C2orf76: variants seen among roughly 807,000 people sequenced by gnomAD.
C2orf76 encodes the protein UPF0538 protein C2orf76.
Under a neutral mutation model 16.9 loss-of-function variants are expected in C2orf76, and 23 were observed. The observed-to-expected ratio is 1.36, with a 90% CI of 0.98 to 1.93. The LOEUF (loss-of-function observed/expected upper bound fraction) is 1.93, where lower values mean the gene tolerates loss of function less well. C2orf76 is among the 30% of genes most tolerant of loss of function. The pLI is 0.00. For synonymous variants in C2orf76, 48 were observed against 52.3 expected (o/e 0.92, Z 0.35); for missense variants, 152 against 152.6 (o/e 1.00, Z 0.02).
At chr2:119,305,933 A>C (rs560447955) in intron 5 of C2orf76, among the ~76,000 whole-genome samples, 103 of 103,564 alleles carry the variant, frequency 9.9e-4, no homozygotes, top group Middle Eastern at 9.8e-3. Context: ...CCAAAAAAAA[A>C]AACAACAACA....
At chr2:119,302,097 AG>A (rs925548511), downstream of C2orf76, 2 of 154,348 alleles carry the variant, frequency 1.3e-5, no homozygotes, top group African/African-American at 4.8e-5. Context: ...TAGAAACTAC[AG>A]AAAAAATATA....
the C2orf76 span, among the ~76,000 whole-genome samples, chr2:119,294,956 C>A: frequency 6.6e-6 from 1 of 152,100 alleles, no homozygotes; most frequent in East Asian, 1.9e-4. Flanking sequence ...GAGAAGACAG[C>A]AGGATCAGTG....
intron 1 of C2orf76, among the ~76,000 whole-genome samples, chr2:119,354,416 T>C (rs1039189762): frequency 6.6e-6 from 1 of 152,132 alleles, no homozygotes; most frequent in Non-Finnish European, 1.5e-5. Context: ...GCCCAGCTAC[T>C]GGGAGGTTGA....
At chr2:119,310,513 G>T (rs1300836498) in intron 5 of C2orf76, among the ~76,000 whole-genome samples, 4 of 152,038 alleles carry the variant, frequency 2.6e-5, no homozygotes, top group Non-Finnish European at 5.9e-5. Flanking sequence ...GTAAATTCCT[G>T]ATACAAGTGA....
intron 2 of C2orf76, among the ~76,000 whole-genome samples, chr2:119,339,603 G>C (rs1387477837): frequency 6.7e-6 from 1 of 150,052 alleles, no homozygotes; most frequent in Non-Finnish European, 1.5e-5. Context: ...AGCCAAAAAT[G>C]ACGGTCACAA....
downstream of C2orf76, among the ~76,000 whole-genome samples, chr2:119,298,164 C>T (rs1288318778): frequency 6.6e-6 from 1 of 152,126 alleles, no homozygotes; most frequent in Non-Finnish European, 1.5e-5. Context: ...ATGGCATACG[C>T]CTTTTGTGTT....
chr2:119,350,081 C>CCG (rs1553449835), intron 1 of C2orf76, among the ~76,000 whole-genome samples: 1 of 131,086 alleles, frequency 7.6e-6, no homozygotes, highest in African/African-American at 2.9e-5. Context: ...CCCCCGCCCC[C>CCG]CCACCGTCCC....
At chr2:119,312,683 T>G (rs919323036) in intron 4 of C2orf76, among the ~76,000 whole-genome samples, 1 of 152,108 alleles carries the variant, frequency 6.6e-6, no homozygotes, top group Non-Finnish European at 1.5e-5. Context: ...GAGAGTGCTC[T>G]CCAGTGATAT....
the C2orf76 span, among the ~76,000 whole-genome samples, chr2:119,294,843 C>T: frequency 1.7e-4 from 26 of 152,114 alleles, no homozygotes; most frequent in Non-Finnish European, 2.8e-4. Context: ...GAAGGCGGAG[C>T]GCGGCAGGGT....
chr2:119,296,724 C>T, the C2orf76 span, among the ~76,000 whole-genome samples: 1 of 152,224 alleles, frequency 6.6e-6, no homozygotes, highest in Non-Finnish European at 1.5e-5. Context: ...CAAAGAAGTT[C>T]CTCAAAGTCA....
chr2:119,290,219 T>C, the C2orf76 span, among the ~76,000 whole-genome samples: 15 of 151,398 alleles, frequency 9.9e-5, no homozygotes, highest in African/African-American at 3.6e-4. Context: ...CTCCCTGCAA[T>C]TGGTTTGAGA....
downstream of C2orf76, among the ~76,000 whole-genome samples, chr2:119,297,499 C>A (rs1678558399): frequency 6.6e-6 from 1 of 152,158 alleles, no homozygotes; most frequent in Admixed American, 6.5e-5. Flanking sequence ...TTTTTTTAAT[C>A]TTCAGAATTT....
downstream of C2orf76, among the ~76,000 whole-genome samples, chr2:119,301,528 A>T (rs539168353): frequency 1.1e-4 from 16 of 152,136 alleles, no homozygotes; most frequent in East Asian, 3.1e-3. Context: ...GAGCTGGCTA[A>T]GCTCTCCGGC....
intron 1 of C2orf76, among the ~76,000 whole-genome samples, chr2:119,358,596 A>G (rs1470973301): frequency 6.6e-6 from 1 of 151,456 alleles, no homozygotes; most frequent in Non-Finnish European, 1.5e-5. Context: ...AAAAAAAAAA[A>G]AGGCAAAACA....
At chr2:119,303,820 T>A (rs550577703) in intron 5 of C2orf76, among the ~76,000 whole-genome samples, 3 of 152,298 alleles carry the variant, frequency 2.0e-5, no homozygotes, top group Admixed American at 2.0e-4. Context: ...CTCTACTATA[T>A]CTTCAAGATT....
intron 2 of C2orf76, among the ~76,000 whole-genome samples, chr2:119,335,319 C>A (rs1024375787): frequency 6.6e-6 from 1 of 152,090 alleles, no homozygotes; most frequent in Non-Finnish European, 1.5e-5. Flanking sequence ...GTACCTAGAT[C>A]CTGGTTTCTA....
intron 4 of C2orf76, among the ~76,000 whole-genome samples, chr2:119,312,314 T>A (rs539980831): frequency 6.6e-6 from 1 of 152,236 alleles, no homozygotes; most frequent in South Asian, 2.1e-4. Flanking sequence ...GTGGCGTGAT[T>A]ATGGCTCACT....
In C2orf76 at chr2:119,302,551, G is replaced by A. The variant is rs1558773011; in HGVS notation, c.305-3C>T. 4 of 1,473,796 alleles carry A rather than the reference G, an allele frequency of 2.7e-6. No homozygotes were observed. The highest frequency in any genetic ancestry group is 1.4e-5 in the South Asian group (1 of 72,108). The allele number at this position is 1,473,796 out of a possible 1,614,324, so 91.3% of individuals were successfully genotyped here. ...GAATGCAATTTCAGTTTCACTGGCT[G>A]AAAAAAAACAGAAAATGGAAAAAAA... On this transcript the variant is annotated splice_polypyrimidine_tract_variant and splice_region_variant and intron_variant, in intron 5 of 5. Transcript: ENST00000334816.
chr2:119,352,904 T>A (rs1013573905), intron 1 of C2orf76, among the ~76,000 whole-genome samples: 4 of 152,186 alleles, frequency 2.6e-5, no homozygotes, highest in Non-Finnish European at 5.9e-5. Flanking sequence ...TAGGAACCAG[T>A]ATCACAGGGC....
Sources: allele counts gnomAD v4.1 joint callset (sites outside exome capture counted in the v4.1 genomes callset), GRCh38; gene constraint gnomAD v4.1.1; transcripts MANE v1.5; gene names NCBI Gene and HGNC (gene_info 2026-07-23, HGNC 2026-07-21).